Variants in RANBP9 observed in about 807,000 individuals in gnomAD.
The protein encoded by RANBP9 is ran-binding protein 9.
In RANBP9, 15 loss-of-function variants were observed where a neutral mutation model predicts 84.3. The ratio of observed to expected loss-of-function variants is 0.18; its 90% CI spans 0.12 to 0.27. The LOEUF is 0.27. Among genes scored for constraint, RANBP9 ranks in the 10% least tolerant of loss-of-function variants. The probability of loss-of-function intolerance (pLI) is 1.00; values close to 1 mark genes in which losing one functional copy is unlikely to be tolerated. For synonymous variants in RANBP9, 392 were observed against 349.6 expected (o/e 1.12, Z -1.35); for missense variants, 809 against 912.8 (o/e 0.89, Z 1.46).
intron 2 of RANBP9, among the ~76,000 whole-genome samples, chr6:13,682,492 G>A (rs1766068460): frequency 6.8e-6 from 1 of 148,070 alleles, no homozygotes; most frequent in Admixed American, 6.7e-5. Context: ...TGCTCTTGTT[G>A]CCCAGCCTGC....
chr6:13,658,336 T>C (rs1256666922), intron 3 of RANBP9, among the ~76,000 whole-genome samples: 1 of 152,208 alleles, frequency 6.6e-6, no homozygotes, highest in Non-Finnish European at 1.5e-5. Flanking sequence ...AGGCTGGGCA[T>C]GGTGGCTCAC....
At chr6:13,642,427 C>T in intron 7 of RANBP9, 52 bp downstream of exon 7, 1 of 1,106,974 alleles carries the variant, frequency 9.0e-7, no homozygotes, top group East Asian at 2.9e-5. Context: ...ATTAAAGTAA[C>T]CAAATCTATA....
intron 1 of RANBP9, among the ~76,000 whole-genome samples, chr6:13,700,932 T>C (rs969972724): frequency 5.9e-5 from 9 of 152,222 alleles, no homozygotes; most frequent in Admixed American, 2.6e-4. Context: ...TTTTAGCGCA[T>C]TGATTTTGTG....
intron 2 of RANBP9, among the ~76,000 whole-genome samples, chr6:13,663,483 TTTATAACATACCATAGATGTAATA>T (rs1192040262): frequency 1.3e-5 from 2 of 152,138 alleles, no homozygotes; most frequent in Non-Finnish European, 2.9e-5. Flanking sequence ...TATTGTGTAG[TTTATAACATACCATAGATGTAATA>T]CATATGACAA....
intron 3 of RANBP9, among the ~76,000 whole-genome samples, chr6:13,658,395 G>A (rs989174977): frequency 1.3e-5 from 2 of 152,178 alleles, no homozygotes; most frequent in Non-Finnish European, 2.9e-5. Flanking sequence ...GATCACCTGA[G>A]GTCAGGGGCT....
In RANBP9 at chr6:13,673,382, T is replaced by C. The variant is rs1377788219; in HGVS notation, c.684-14550A>G. Among the ~76,000 whole-genome samples, 3 of 152,184 alleles carry C rather than the reference T, an allele frequency of 2.0e-5. No individual in the cohort carries two copies. In the East Asian group the frequency reaches 5.8e-4, roughly 29 times the overall value. ...GGAACTTGTGGCCCACAAACTTGCC[T>C]TGCAAGAAATGTTACACGTTCTTCA... On this transcript the variant is annotated intron_variant, in intron 2 of 13. Transcript: ENST00000011619.
intron 2 of RANBP9, among the ~76,000 whole-genome samples, chr6:13,680,154 A>AT (rs1428303403): frequency 5.9e-5 from 9 of 152,180 alleles, no homozygotes; most frequent in Admixed American, 5.9e-4. Flanking sequence ...AAAAAACAAA[A>AT]TAATAGAAGA....
intron 11 of RANBP9, among the ~76,000 whole-genome samples, chr6:13,633,928 ATT>A (rs1385918929): frequency 9.2e-6 from 1 of 109,024 alleles, no homozygotes; most frequent in African/African-American, 3.7e-5. Flanking sequence ...GAGCCACATA[ATT>A]TTTTTGTTGG....
chr6:13,686,530 C>G (rs144465239), intron 2 of RANBP9, among the ~76,000 whole-genome samples: 1,650 of 151,976 alleles, frequency 0.011, 12 homozygotes, highest in South Asian at 0.027. Context: ...GGTGATCCAC[C>G]CACCTCAGCC....
chr6:13,627,720 G>A (rs1046718698), intron 12 of RANBP9, among the ~76,000 whole-genome samples: 4 of 151,564 alleles, frequency 2.6e-5, no homozygotes, highest in African/African-American at 4.9e-5. Flanking sequence ...TCTGATGAGG[G>A]TACCATACCC....
At chr6:13,700,869 C>T (rs1757951278) in intron 1 of RANBP9, among the ~76,000 whole-genome samples, 1 of 152,076 alleles carries the variant, frequency 6.6e-6, no homozygotes. Flanking sequence ...CTACAAAGTT[C>T]CCAAGGTTTT....
rs1029170578 is a variant in RANBP9 at position 13,634,311 on chromosome 6, C to T, written c.1795+120G>A. On this transcript the variant is annotated intron_variant, in intron 11 of 13. Coordinates refer to ENST00000011619, the MANE Select transcript of RANBP9 (RefSeq NM_005493.3). ...TAAGTGCTATGCATTACTGTCAAGT[C>T]CTACAGCACATACATCTTTAAATCT... The T allele has an allele frequency of 7.0e-5, 87 of 1,248,496 alleles. No homozygotes were observed. The African/African-American group carries it at 1.2e-3, about 17-fold the overall frequency. The allele number at this position is 1,248,496 out of a possible 1,614,324, so 77.3% of individuals were successfully genotyped here. A position where few individuals can be genotyped will look rare whatever the true frequency, so the allele number is the denominator to read the frequency against.
intron 2 of RANBP9, among the ~76,000 whole-genome samples, chr6:13,661,762 A>C (rs1440852327): frequency 6.6e-6 from 1 of 152,160 alleles, no homozygotes; most frequent in East Asian, 1.9e-4. Context: ...GGAAGATAAA[A>C]ATTAAGTCAC....
chr6:13,658,749 A>T (rs1765467771), intron 3 of RANBP9, 31 bp downstream of exon 3: 1 of 1,510,944 alleles, frequency 6.6e-7, no homozygotes, highest in Non-Finnish European at 9.2e-7. Flanking sequence ...TACTCATAAG[A>T]CATAATACTG....
chr6:13,634,186 G>A (rs1258682015), intron 11 of RANBP9, among the ~76,000 whole-genome samples: 2 of 152,166 alleles, frequency 1.3e-5, no homozygotes, highest in African/African-American at 4.8e-5. Flanking sequence ...TGCTGCATTA[G>A]TGACAGCGCT....
chr6:13,708,943 G>A (rs1056432469), intron 1 of RANBP9, among the ~76,000 whole-genome samples: 4 of 151,942 alleles, frequency 2.6e-5, no homozygotes, highest in Non-Finnish European at 4.4e-5. Context: ...TAGAAGAGAG[G>A]AAAAATAAAA....
intron 2 of RANBP9, among the ~76,000 whole-genome samples, chr6:13,684,064 T>A (rs962383733): frequency 1.3e-5 from 2 of 152,154 alleles, no homozygotes; most frequent in African/African-American, 4.8e-5. Flanking sequence ...CTATCTATAC[T>A]CTGTACTATG....
At chr6:13,673,519 C>G (rs1331305871) in intron 2 of RANBP9, among the ~76,000 whole-genome samples, 3 of 152,066 alleles carry the variant, frequency 2.0e-5, no homozygotes, top group Admixed American at 2.0e-4. Flanking sequence ...CTTAATTGAT[C>G]ACATAGATAA....
intron 13 of RANBP9, among the ~76,000 whole-genome samples, chr6:13,624,841 A>G (rs1191132640): frequency 6.6e-6 from 1 of 152,194 alleles, no homozygotes; most frequent in Non-Finnish European, 1.5e-5. Context: ...TATAAATGCA[A>G]ATAGAATGTG....
Sources: gnomAD v4.1 joint callset for allele counts (sites outside exome capture counted in the v4.1 genomes callset) on GRCh38, gnomAD v4.1.1 for gene constraint, MANE v1.5 for transcripts, NCBI Gene and HGNC (gene_info 2026-07-23, HGNC 2026-07-21) for gene names.